ZNF99: variants seen among roughly 807,000 people sequenced by gnomAD.
The protein encoded by ZNF99 is zinc finger protein 99, also known as zinc finger protein ENSP00000375192.
In ZNF99, 8 loss-of-function variants were observed where a neutral mutation model predicts 12.8. The ratio of observed to expected loss-of-function variants is 0.62; its 90% CI spans 0.37 to 1.13. The LOEUF is 1.13. ZNF99 is among the 50% of genes most tolerant of loss of function. The pLI, the probability that ZNF99 is intolerant of heterozygous loss-of-function variation, is 0.02. For missense variants in ZNF99, 1,007 were observed against 1,006.2 expected (o/e 1.00, Z -0.01); for synonymous variants, 318 against 319.0 (o/e 1.00, Z 0.03).
intron 3 of ZNF99, among the ~76,000 whole-genome samples, chr19:22,765,924 A>T (rs185222544): frequency 6.6e-6 from 1 of 152,264 alleles, no homozygotes. Context: ...TTAAATGTAA[A>T]CATACAGACA....
Position 22,753,097 on chromosome 19 carries a change from T to C in ZNF99, c.*4217A>G, listed in dbSNP as rs1367064341. ...GTAAATAAAGTAGGAATGAAGAGCA[T>C]GAAGTAACTTGAGAGTTGAATTACA... On this transcript the variant is annotated 3_prime_UTR_variant, in exon 4 of 4. Transcript: ENST00000596209. 1 of 152,092 alleles carries C rather than the reference T, an allele frequency of 6.6e-6. No homozygotes were observed. The highest frequency in any genetic ancestry group is 2.4e-5 in the African/African-American group (1 of 41,442). 9.4% of individuals were successfully genotyped at this position (152,092 alleles called of 1,614,324 possible).
At chr19:22,781,971 A>C (rs1485241369) in intron 1 of ZNF99, among the ~76,000 whole-genome samples, 1 of 151,986 alleles carries the variant, frequency 6.6e-6, no homozygotes, top group African/African-American at 2.4e-5. Flanking sequence ...AAAGCGGCAC[A>C]AAGATTTTTT....
Position 22,756,071 on chromosome 19 carries a change from C to A in ZNF99, c.*1243G>T. 2.4e-6 allele frequency: 3 copies of A among 1,268,278 alleles called. No homozygotes were observed. The highest frequency in any genetic ancestry group is 3.1e-6 in the Non-Finnish European group (3 of 954,652). The allele number at this position is 1,268,278 out of a possible 1,614,324, so 78.6% of individuals were successfully genotyped here. On this transcript the variant is annotated 3_prime_UTR_variant, in exon 4 of 4. Transcript: ENST00000596209. ...CTCTCCAGCATGAATTGTTTTCTGC[C>A]TATTAAGGCTTGAGGACTGGTTAAA...
rs532783667 is a variant in ZNF99 at position 22,759,191 on chromosome 19, T to A, written c.718A>T (p.Ile240Phe). The change falls in exon 4 of 4, where the codon ATC becomes TTC. Residue 240 changes from isoleucine to phenylalanine, a missense_variant. Ile to Phe is a conservative substitution (Grantham distance 21). Transcript: ENST00000596209. ...TTACATTTAGTGAACATTGAAGAGA[T>A]GTTAAAAGCTTTGCCACATTTCTTA... ...KYKKCGKAFN[I>F]SSMFTKCKII... The A allele has an allele frequency of 1.5e-4, 245 of 1,584,248 alleles. No homozygotes were observed. The highest frequency in any genetic ancestry group is 2.0e-4 in the Non-Finnish European group (229 of 1,164,776).
rs141620687 is a variant in ZNF99, at chr19:22,753,743, T to C, written c.*3571A>G. ...AAGTATAAACTCTGTGATGTTAAGA[T>C]GTGAGCAGATATTAATGGCTTTTCC... On this transcript the variant is annotated 3_prime_UTR_variant, in exon 4 of 4. Coordinates refer to ENST00000596209, the MANE Select transcript of ZNF99 (RefSeq NM_001080409.3). 681 of 175,358 alleles carry C rather than the reference T, an allele frequency of 3.9e-3. 9 individuals are homozygous for C. Among genetic ancestry groups the C allele is most frequent in the African/African-American group, 0.015 (647 of 42,036 alleles). 10.9% of individuals were successfully genotyped at this position (175,358 alleles called of 1,614,324 possible).
chr19:22,770,041 A>T, intron 1 of ZNF99: 2 of 1,289,450 alleles, frequency 1.6e-6, no homozygotes, highest in East Asian at 1.0e-4. Context: ...AGATCTTGTT[A>T]AGCATATTTA....
intron 1 of ZNF99, among the ~76,000 whole-genome samples, chr19:22,779,195 C>T (rs1414795617): frequency 6.6e-6 from 1 of 152,048 alleles, no homozygotes; most frequent in Non-Finnish European, 1.5e-5. Context: ...CAGACACAGA[C>T]TCTGCACATT....
At position 22,769,231 on chromosome 19, in the gene ZNF99, T is replaced by A. The variant is rs1376556670; in HGVS notation, c.97A>T (p.Met33Leu). 2 of 1,608,954 alleles carry A rather than the reference T, an allele frequency of 1.2e-6. No individual in the cohort carries two copies. The highest frequency in any genetic ancestry group is 2.7e-5 in the African/African-American group (2 of 74,762). The change falls in exon 2 of 4, where the codon ATG (methionine) becomes TTG (leucine). Residue 33 changes from methionine (M) to leucine (L), a missense_variant. Physicochemically the swap from Met to Leu is conservative, Grantham distance 15. Coordinates refer to ENST00000596209, the MANE Select transcript of ZNF99 (RefSeq NM_001080409.3). Reference protein sequence around the residue: ...MAQQNLYRNVMLENYRNLVFL... With the variant: ...MAQQNLYRNVLLENYRNLVFL... The stretch of plus-strand genomic sequence containing the variant: ...ACCAGGTTTCTGTAGTTCTCTAACA[T>A]AACATTCCTATATAAATTCTGCTGA...
At chr19:22,772,677 C>CA (rs554077499) in intron 1 of ZNF99, among the ~76,000 whole-genome samples, 9,444 of 112,750 alleles carry the variant, frequency 0.084, 349 homozygotes, top group Non-Finnish European at 0.11. Context: ...AATTCTGTCT[C>CA]AAAAAAAAAA....
chr19:22,758,574 T>C lies in ZNF99; in HGVS notation c.1335A>G (p.Ile445Met). Reference protein sequence around the residue: ...KRFSALRKHKIIHTGKQPYKC... With the variant: ...KRFSALRKHKMIHTGKQPYKC... ...TGTAGGGTTGCTTTCCAGTATGAAT[T>C]ATCTTATGTTTTCTAAGGGCTGAGA... Residue 445 changes from isoleucine to methionine, a missense_variant, in exon 4 of 4, where the codon ATA becomes ATG. Transcript: ENST00000596209. 1 of 1,613,400 alleles carries C rather than the reference T, an allele frequency of 6.2e-7. No homozygotes were observed. Among genetic ancestry groups the C allele is most frequent in the Non-Finnish European group, 8.5e-7 (1 of 1,179,676 alleles).
At chr19:22,766,835 G>C (rs1233983198) in intron 3 of ZNF99, among the ~76,000 whole-genome samples, 3 of 151,070 alleles carry the variant, frequency 2.0e-5, no homozygotes, top group Admixed American at 6.6e-5. Flanking sequence ...ATTTTTAGCA[G>C]ACATAGGGTT....
At position 22,754,070 on chromosome 19, in the gene ZNF99, C is replaced by A. The variant is rs575123324; in HGVS notation, c.*3244G>T. 2.2e-6 allele frequency: 1 copy of A among 455,852 alleles called. No homozygotes were observed. Among genetic ancestry groups the A allele is most frequent in the African/African-American group, 2.0e-5 (1 of 50,178 alleles). 28.2% of individuals were successfully genotyped at this position (455,852 alleles called of 1,614,324 possible). A position where few individuals can be genotyped will look rare whatever the true frequency, so the allele number is the denominator to read the frequency against. On this transcript the variant is annotated 3_prime_UTR_variant, in exon 4 of 4. Transcript: ENST00000596209. The stretch of plus-strand genomic sequence containing the variant: ...TGATAACTTATTAAAAACTTTGCCA[C>A]ATTCGACCGGGCTCAATGGCTCATG...
intron 1 of ZNF99, chr19:22,770,361 CT>C (rs35661475): frequency 2.7e-3 from 396 of 145,640 alleles, no homozygotes; most frequent in Middle Eastern, 7.3e-3. Context: ...TGTCAGACAG[CT>C]TTTTTTTTTT....
At chr19:22,783,971 C>T in intron 1 of ZNF99, 43 bp downstream of exon 1, 1 of 1,613,652 alleles carries the variant, frequency 6.2e-7, no homozygotes, top group East Asian at 2.2e-5. Context: ...CGGTTCCAGT[C>T]AGCCCCTTCC....
At chr19:22,769,852 A>T (rs1973247102) in intron 1 of ZNF99, 6 of 1,333,262 alleles carry the variant, frequency 4.5e-6, no homozygotes, top group Non-Finnish European at 5.9e-6. Flanking sequence ...GATCCACAAC[A>T]CCAGCACAGA....
chr19:22,778,595 A>G (rs1262118875), intron 1 of ZNF99, among the ~76,000 whole-genome samples: 1 of 152,220 alleles, frequency 6.6e-6, no homozygotes, highest in Non-Finnish European at 1.5e-5. Flanking sequence ...CTCAAATTCA[A>G]TAATTTTATA....
Position 22,757,144 on chromosome 19 carries a change from A to G in ZNF99, c.*170T>C, listed in dbSNP as rs759718942. On this transcript the variant is annotated 3_prime_UTR_variant, in exon 4 of 4. Transcript: ENST00000596209. The stretch of plus-strand genomic sequence containing the variant: ...ATTTGTAGGGCTTCTCCCCAGTATG[A>G]ACTGCTTTATGTCTAGTAAGGTGTG... 1.2e-6 allele frequency: 2 copies of G among 1,612,726 alleles called. No homozygotes were observed. The highest frequency in any genetic ancestry group is 2.2e-5 in the South Asian group (2 of 91,018).
At chr19:22,770,562 G>A (rs1973256973) in intron 1 of ZNF99, 1 of 152,316 alleles carries the variant, frequency 6.6e-6, no homozygotes, top group Admixed American at 6.5e-5. Flanking sequence ...TCACCATCTT[G>A]GCCAGGCTGG....
rs1782117563 is a variant in ZNF99 at position 22,752,643 on chromosome 19, T to C, written c.*4671A>G. On this transcript the variant is annotated 3_prime_UTR_variant, in exon 4 of 4. Transcript: ENST00000596209. The stretch of plus-strand genomic sequence containing the variant: ...CTGTTGCCATCTCTTACCTACACCC[T>C]TGAGTAAGGTGGGATAGGTTAAAGC... The C allele has an allele frequency of 6.6e-6, 1 of 152,100 alleles. No individual in the cohort carries two copies. Among genetic ancestry groups the C allele is most frequent in the Non-Finnish European group, 1.5e-5 (1 of 67,992 alleles). The allele number at this position is 152,100 out of a possible 1,614,324, so 9.4% of individuals were successfully genotyped here.
Sources: gnomAD v4.1 joint callset for allele counts (sites outside exome capture counted in the v4.1 genomes callset) on GRCh38, gnomAD v4.1.1 for gene constraint, MANE v1.5 for transcripts, NCBI Gene and HGNC (gene_info 2026-07-23, HGNC 2026-07-21) for gene names.